Variants in RIC3 observed in about 807,000 individuals in gnomAD.
RIC3 encodes the protein RIC3 acetylcholine receptor chaperone.
In RIC3, 28 loss-of-function variants were observed where a neutral mutation model predicts 27.3. The ratio of observed to expected loss-of-function variants is 1.02; its 90% CI spans 0.76 to 1.41. The LOEUF (loss-of-function observed/expected upper bound fraction) is 1.41. RIC3 is among the 40% of genes most tolerant of loss of function. RIC3 has a pLI of 0.00. For synonymous variants in RIC3, 184 were observed against 160.4 expected (o/e 1.15, Z -1.11); for missense variants, 501 against 444.7 (o/e 1.13, Z -1.14).
Position 8,120,090 on chromosome 11 carries a change from T to C in RIC3, c.670+6569A>G, listed in dbSNP as rs190421623. On this transcript the variant is annotated intron_variant, in intron 5 of 5. Coordinates refer to ENST00000309737, the MANE Select transcript of RIC3 (RefSeq NM_001206671.4). ...AATAGGAAGGCTTTTACACTGTTGG[T>C]GGGAGTGCAAATTAGTTCAACCATT... is the stretch of plus-strand genomic sequence containing the variant. Among the ~76,000 whole-genome samples the C allele has an allele frequency of 7.4e-3, 1,121 of 152,106 alleles. 4 individuals carry two copies. The highest frequency in any genetic ancestry group is 0.031 in the Middle Eastern group (9 of 294).
chr11:8,138,175 G>A, intron 3 of RIC3, 97 bp downstream of exon 3: 1 of 824,564 alleles, frequency 1.2e-6, no homozygotes, highest in Non-Finnish European at 1.9e-6. Context: ...AGCAACTTTT[G>A]AGAAATGCTT....
the RIC3 span, among the ~76,000 whole-genome samples, chr11:8,094,668 C>T: frequency 6.6e-6 from 1 of 152,206 alleles, no homozygotes; most frequent in Non-Finnish European, 1.5e-5. Flanking sequence ...GACCACAGAC[C>T]AGCCTGTTCC....
chr11:8,126,952 T>C (rs905876400), intron 4 of RIC3, 145 bp from the exon 5 acceptor site: 3 of 909,536 alleles, frequency 3.3e-6, no homozygotes, highest in African/African-American at 3.3e-5. Flanking sequence ...TCCAACTGCA[T>C]AGCTGGGAAC....
the RIC3 span, chr11:8,096,590 A>C: frequency 1.2e-6 from 1 of 817,706 alleles, no homozygotes; most frequent in Non-Finnish European, 2.1e-6. Flanking sequence ...GGTACAGGTG[A>C]GTCAGTGTCT....
At chr11:8,116,800 C>T (rs10769869) in intron 5 of RIC3, among the ~76,000 whole-genome samples, 38,876 of 152,118 alleles carry the variant, frequency 0.26, 5,058 homozygotes, top group East Asian at 0.44. Context: ...CCCTTATATA[C>T]TATTGCTGGG....
intron 4 of RIC3, among the ~76,000 whole-genome samples, chr11:8,134,604 T>A (rs1316993181): frequency 6.6e-6 from 1 of 152,194 alleles, no homozygotes; most frequent in East Asian, 1.9e-4. Context: ...TAGTTTATAG[T>A]CCCATCAACA....
intron 5 of RIC3, among the ~76,000 whole-genome samples, chr11:8,112,713 G>A (rs1018309101): frequency 6.6e-6 from 1 of 152,122 alleles, no homozygotes; most frequent in African/African-American, 2.4e-5. Context: ...ATGTCATTAG[G>A]CATTTGAAAG....
In RIC3 at chr11:8,110,963, G is replaced by C; in HGVS notation, c.845C>G (p.Pro282Arg). 1 of 1,614,120 alleles carries C rather than the reference G, an allele frequency of 6.2e-7. No homozygotes were observed. The highest frequency in any genetic ancestry group is 1.3e-5 in the African/African-American group (1 of 75,016). ...ESDHLGWESL[P>R]TDPRAQEDNS... is the part of the protein sequence containing the mutation. ...ATCTTCCTGGGCTCTGGGGTCAGTG[G>C]GCAGACTTTCCCAACCCAAATGATC... is the stretch of plus-strand genomic sequence containing the variant. The change falls in exon 6 of 6, where the codon CCC becomes CGC. Residue 282 changes from proline (P) to arginine (R), a missense_variant. By Grantham distance (103) the Pro-to-Arg change is moderately radical (BLOSUM62 -2). Transcript: ENST00000309737.
At chr11:8,105,735 G>A (rs976334104), downstream of RIC3, 2 of 152,094 alleles carry the variant, frequency 1.3e-5, no homozygotes, top group Non-Finnish European at 2.9e-5. Flanking sequence ...TCATCACTGT[G>A]CCTTTTTTTC....
the RIC3 span, chr11:8,100,696 G>GC: frequency 1.4e-6 from 2 of 1,408,278 alleles, no homozygotes; most frequent in Non-Finnish European, 1.9e-6. Flanking sequence ...TGTATGTGGA[G>GC]GGGTACCATG....
At chr11:8,145,511 C>G (rs956678751) in intron 1 of RIC3, among the ~76,000 whole-genome samples, 2 of 152,126 alleles carry the variant, frequency 1.3e-5, no homozygotes, top group African/African-American at 2.4e-5. Context: ...ACTTTAAGTA[C>G]TCAGCTTGGG....
the RIC3 span, chr11:8,100,858 TAAG>T: frequency 1.7e-5 from 28 of 1,614,054 alleles, no homozygotes; most frequent in Non-Finnish European, 2.4e-5. Flanking sequence ...GCTGGCAGAA[TAAG>T]AACACGGAGA....
intron 5 of RIC3, among the ~76,000 whole-genome samples, chr11:8,115,611 C>G (rs1212121304): frequency 6.6e-6 from 1 of 152,080 alleles, no homozygotes; most frequent in East Asian, 1.9e-4. Flanking sequence ...AGTTCGAGAC[C>G]AGCCTGACCA....
intron 1 of RIC3, among the ~76,000 whole-genome samples, chr11:8,154,212 G>A (rs1019182641): frequency 6.6e-6 from 1 of 152,128 alleles, no homozygotes; most frequent in African/African-American, 2.4e-5. Flanking sequence ...AGTCCCTTGT[G>A]TACTTTTCCC....
intron 1 of RIC3, among the ~76,000 whole-genome samples, chr11:8,160,540 G>A (rs757273804): frequency 6.6e-5 from 10 of 152,012 alleles, no homozygotes; most frequent in Non-Finnish European, 8.8e-5. Context: ...ATTTCATTCC[G>A]AAACATCAAG....
chr11:8,157,298 C>A (rs147813373), intron 1 of RIC3, among the ~76,000 whole-genome samples: 5 of 152,292 alleles, frequency 3.3e-5, no homozygotes, highest in African/African-American at 1.2e-4. Context: ...CTAGTTGGCC[C>A]TCCCTTTAGA....
At chr11:8,124,332 A>C (rs1042359631) in intron 5 of RIC3, among the ~76,000 whole-genome samples, 4 of 152,200 alleles carry the variant, frequency 2.6e-5, no homozygotes, top group Non-Finnish European at 5.9e-5. Flanking sequence ...AATATCCCTC[A>C]CATATGCAAG....
intron 1 of RIC3, among the ~76,000 whole-genome samples, chr11:8,165,937 C>A (rs550697058): frequency 1.3e-5 from 2 of 151,828 alleles, no homozygotes; most frequent in Admixed American, 6.6e-5. Context: ...CACCACCATG[C>A]CCAGCTAATT....
chr11:8,160,779 G>C lies in RIC3; in HGVS notation c.124+8087C>G, dbSNP rs75426246. Among the ~76,000 whole-genome samples, 1,276 of 152,324 alleles carry C rather than the reference G, an allele frequency of 8.4e-3. 9 individuals are homozygous for C. The highest frequency in any genetic ancestry group is 0.01 in the Non-Finnish European group (681 of 68,032). Reference sequence around the variant, plus strand: ...ATTTGCAGTTCTAAGAGCCTCTTCTGAGAGGGCTGTGTTCAAACACTTGCA... The same window carrying C: ...ATTTGCAGTTCTAAGAGCCTCTTCTCAGAGGGCTGTGTTCAAACACTTGCA... On this transcript the variant is annotated intron_variant, in intron 1 of 5. Coordinates refer to ENST00000309737, the MANE Select transcript of RIC3 (RefSeq NM_001206671.4).
Sources: allele counts gnomAD v4.1 joint callset (sites outside exome capture counted in the v4.1 genomes callset), GRCh38; gene constraint gnomAD v4.1.1; transcripts MANE v1.5; gene names NCBI Gene and HGNC (gene_info 2026-07-23, HGNC 2026-07-21).